MTUS1: variants seen among roughly 807,000 people sequenced by gnomAD.
The protein encoded by MTUS1 is microtubule-associated tumor suppressor 1.
A neutral mutation model predicts 120.8 loss-of-function variants in MTUS1; 109 were observed. The observed-to-expected ratio is 0.90, with a 90% CI of 0.77 to 1.06. MTUS1 has a LOEUF of 1.06. MTUS1 is among the 50% of genes least tolerant of loss of function. The pLI is 0.00. For synonymous variants in MTUS1, 737 were observed against 550.5 expected (o/e 1.34, Z -4.74); for missense variants, 2,210 against 1,486.3 (o/e 1.49, Z -8.01).
chr8:17,691,835 A>T (rs538322492), intron 6 of MTUS1: 1 of 152,224 alleles, frequency 6.6e-6, no homozygotes, highest in Non-Finnish European at 1.5e-5. Context: ...CTCCTAATCC[A>T]TAACACATCC....
At chr8:17,795,894 C>T (rs2052186355) in intron 1 of MTUS1, among the ~76,000 whole-genome samples, 1 of 152,078 alleles carries the variant, frequency 6.6e-6, no homozygotes, top group African/African-American at 2.4e-5. Flanking sequence ...CCTTGGCCTC[C>T]CAAATTGCTG....
At chr8:17,774,889 C>G (rs2050289581) in intron 1 of MTUS1, among the ~76,000 whole-genome samples, 1 of 143,018 alleles carries the variant, frequency 7.0e-6, no homozygotes, top group African/African-American at 2.6e-5. Flanking sequence ...TCTATACATA[C>G]AGTGGAATAT....
At chr8:17,678,145 T>C (rs1813497437) in intron 7 of MTUS1, among the ~76,000 whole-genome samples, 1 of 152,212 alleles carries the variant, frequency 6.6e-6, no homozygotes, top group African/African-American at 2.4e-5. Context: ...GGTTAGTTTC[T>C]GCCTGACTCT....
At chr8:17,689,209 C>G (rs992445875) in intron 6 of MTUS1, among the ~76,000 whole-genome samples, 1 of 151,936 alleles carries the variant, frequency 6.6e-6, no homozygotes, top group African/African-American at 2.4e-5. Flanking sequence ...AGACTCCGTT[C>G]TCAAAAACAA....
chr8:17,715,237 C>T (rs1300730161), intron 5 of MTUS1, among the ~76,000 whole-genome samples: 1 of 152,072 alleles, frequency 6.6e-6, no homozygotes, highest in African/African-American at 2.4e-5. Flanking sequence ...TTTGGCCCCA[C>T]TGAGACAAAG....
intron 1 of MTUS1, among the ~76,000 whole-genome samples, chr8:17,789,058 G>A (rs1460342480): frequency 6.6e-6 from 1 of 150,818 alleles, no homozygotes; most frequent in African/African-American, 2.4e-5. Context: ...TTGAGACGGA[G>A]TTTCACTCTT....
At chr8:17,648,417 A>G (rs1179986606) in intron 13 of MTUS1, among the ~76,000 whole-genome samples, 1 of 152,188 alleles carries the variant, frequency 6.6e-6, no homozygotes, top group African/African-American at 2.4e-5. Context: ...GATTTATTGC[A>G]CATGATTTTT....
rs1585790362 is a variant in MTUS1, at chr8:17,700,344, C to T, written c.2623+12870G>A. ...AATTAGCTGGGCATGGTGACAGGGG[C>T]CTGTAATCCCAGCTACTCAGGAAGC... On this transcript the variant is annotated intron_variant, in intron 6 of 14. Coordinates refer to ENST00000693296, the MANE Select transcript of MTUS1 (RefSeq NM_001363059.2). Among the ~76,000 whole-genome samples the T allele has an allele frequency of 2.0e-5, 3 of 151,558 alleles. No individual in the cohort carries two copies. The South Asian group carries it at 6.3e-4, about 32-fold the overall frequency.
At chr8:17,715,549 T>G (rs892889600) in intron 5 of MTUS1, among the ~76,000 whole-genome samples, 1 of 152,240 alleles carries the variant, frequency 6.6e-6, no homozygotes, top group African/African-American at 2.4e-5. Context: ...ACCTTTGTTC[T>G]GCCTGCTGAC....
At chr8:17,700,327 G>A (rs1818795214) in intron 6 of MTUS1, among the ~76,000 whole-genome samples, 1 of 151,924 alleles carries the variant, frequency 6.6e-6, no homozygotes, top group Non-Finnish European at 1.5e-5. Context: ...AAAATTAGCT[G>A]GGCATGGTGA....
At chr8:17,701,018 T>C (rs1296270112) in intron 6 of MTUS1, among the ~76,000 whole-genome samples, 2 of 152,162 alleles carry the variant, frequency 1.3e-5, no homozygotes, top group African/African-American at 4.8e-5. Context: ...ATGGGGTGCT[T>C]AGATGCTACA....
intron 1 of MTUS1, among the ~76,000 whole-genome samples, chr8:17,795,890 C>A (rs1214009467): frequency 6.6e-6 from 1 of 152,010 alleles, no homozygotes. Flanking sequence ...CCTGCCTTGG[C>A]CTCCCAAATT....
chr8:17,657,660 A>T (rs1471940294), intron 8 of MTUS1, among the ~76,000 whole-genome samples: 1 of 1,252 alleles, frequency 8.0e-4, no homozygotes, highest in African/African-American at 7.9e-3. Context: ...TCTTAAAATT[A>T]AAAAAAAAAA....
chr8:17,668,794 G>A (rs12548946), intron 8 of MTUS1, among the ~76,000 whole-genome samples: 9,325 of 152,124 alleles, frequency 0.061, 495 homozygotes, highest in East Asian at 0.24. Flanking sequence ...CCCAGTACCC[G>A]ATAGTTATTT....
Position 17,644,399 on chromosome 8 carries a change from A to C in MTUS1, c.*1527T>G, listed in dbSNP as rs1456461600. 1 of 152,630 alleles carries C rather than the reference A, an allele frequency of 6.6e-6. No homozygotes were observed. The allele number at this position is 152,630 out of a possible 1,614,324, so 9.5% of individuals were successfully genotyped here. A position where few individuals can be genotyped will look rare whatever the true frequency, so the allele number is the denominator to read the frequency against. On this transcript the variant is annotated 3_prime_UTR_variant, in exon 15 of 15. Transcript: ENST00000693296. ...TGTTATTTGTACAGCCACTGAATGT[A>C]GATTAGTAAATACTGACATCACAAT... is the stretch of plus-strand genomic sequence containing the variant.
intron 8 of MTUS1, among the ~76,000 whole-genome samples, chr8:17,670,739 C>T (rs1811845237): frequency 6.6e-6 from 1 of 152,044 alleles, no homozygotes; most frequent in Admixed American, 6.6e-5. Flanking sequence ...AGGAGAACTG[C>T]TTGAACCCGG....
At chr8:17,763,296 A>G (rs2049189932) in intron 1 of MTUS1, among the ~76,000 whole-genome samples, 1 of 152,090 alleles carries the variant, frequency 6.6e-6, no homozygotes, top group Non-Finnish European at 1.5e-5. Flanking sequence ...GGCCGGTACC[A>G]TTTCTTAAAG....
rs531997959 is a variant in MTUS1 at position 17,751,253 on chromosome 8, C to G, written c.2091+2464G>C. 5.9e-5 allele frequency among the ~76,000 whole-genome samples: 9 copies of G among 152,194 alleles called. No individual in the cohort carries two copies. The East Asian group carries it at 1.2e-3, about 20-fold the overall frequency. Reference sequence around the variant, plus strand: ...GGCAGAGGTTGCAGTGAGCCGAGATCGCGCCACTGCACTCCATCCTGGGTG... The same window carrying G: ...GGCAGAGGTTGCAGTGAGCCGAGATGGCGCCACTGCACTCCATCCTGGGTG... On this transcript the variant is annotated intron_variant, in intron 2 of 14. Transcript: ENST00000693296.
At chr8:17,770,889 G>A (rs1231174317) in intron 1 of MTUS1, among the ~76,000 whole-genome samples, 4 of 152,150 alleles carry the variant, frequency 2.6e-5, no homozygotes, top group Non-Finnish European at 5.9e-5. Flanking sequence ...GAAAACAGAA[G>A]GCACTTTTGC....
Sources: gnomAD v4.1 joint callset for allele counts (sites outside exome capture counted in the v4.1 genomes callset) on GRCh38, gnomAD v4.1.1 for gene constraint, MANE v1.5 for transcripts, NCBI Gene and HGNC (gene_info 2026-07-23, HGNC 2026-07-21) for gene names.